FAM210B: variants seen among roughly 807,000 people sequenced by gnomAD.
FAM210B encodes the protein mitochondrial inner membrane scaffold 2, also known as family with sequence similarity 210 member B.
Under a neutral mutation model 14.9 loss-of-function variants are expected in FAM210B, and 11 were observed. The observed-to-expected ratio is 0.74, with a 90% CI of 0.46 to 1.22. The LOEUF (loss-of-function observed/expected upper bound fraction) is 1.22, where lower values mean the gene tolerates loss of function less well. Ranked by LOEUF, FAM210B falls within the 50% of genes most tolerant of loss-of-function variation. FAM210B has a pLI of 0.00. For missense variants in FAM210B, 229 were observed against 250.1 expected, an observed-to-expected ratio of 0.92 and a Z score of 0.57; for synonymous variants, 113 against 110.2, an observed-to-expected ratio of 1.03 and a Z score of -0.16.
At position 56,362,199 on chromosome 20, in the gene FAM210B, G is replaced by T. The variant is rs1280159272; in HGVS notation, c.187-2888G>T. 6.6e-6 allele frequency among the ~76,000 whole-genome samples: 1 copy of T among 152,092 alleles called. No homozygotes were observed. The highest frequency in any genetic ancestry group is 6.5e-5 in the Admixed American group (1 of 15,268). On this transcript the variant is annotated intron_variant, in intron 1 of 2. Coordinates refer to ENST00000371384, the MANE Select transcript of FAM210B (RefSeq NM_080821.3). This position sits in a 1 kb window ranked among gnomAD's most constrained non-coding sequence, Gnocchi z 4.8. ...ATGATTTCTCAAGTGGAAGAAAACAGGTGTCACTCCAAACACTGCGATCGG... is the reference window on the plus strand; with the variant it reads ...ATGATTTCTCAAGTGGAAGAAAACATGTGTCACTCCAAACACTGCGATCGG...
chr20:56,361,054 G>A, intron 1 of FAM210B, among the ~76,000 whole-genome samples: 1 of 152,120 alleles, frequency 6.6e-6, no homozygotes, highest in Non-Finnish European at 1.5e-5. Flanking sequence ...AGCCACAGAA[G>A]AGACCTGCCT....
In FAM210B at chr20:56,365,825, T is replaced by C. The variant is rs370683054; in HGVS notation, c.363-246T>C. ...GCCGATTGTATGTTTTTTTGTTGTG[T>C]TGAGACAAGAGTCTTGCTATGCTGC... On this transcript the variant is annotated intron_variant, in intron 2 of 2. Coordinates refer to ENST00000371384, the MANE Select transcript of FAM210B (RefSeq NM_080821.3). Among the ~76,000 whole-genome samples the C allele has an allele frequency of 9.2e-5, 14 of 151,840 alleles. No individual in the cohort carries two copies. The East Asian group carries it at 1.2e-3, about 13-fold the overall frequency.
chr20:56,365,895 C>T (rs1330043318), intron 2 of FAM210B, among the ~76,000 whole-genome samples, 176 bp from the exon 3 acceptor site: 1 of 147,510 alleles, frequency 6.8e-6, no homozygotes, highest in Non-Finnish European at 1.5e-5. Flanking sequence ...CCTCCCACCT[C>T]GGCCTCCCAA....
At position 56,363,624 on chromosome 20, in the gene FAM210B, T is replaced by C. The variant is rs1983575558; in HGVS notation, c.187-1463T>C. Among the ~76,000 whole-genome samples the C allele has an allele frequency of 6.6e-6, 1 of 152,270 alleles. No homozygotes were observed. Among genetic ancestry groups the C allele is most frequent in the African/African-American group, 2.4e-5 (1 of 41,548 alleles). The stretch of plus-strand genomic sequence containing the variant: ...CTCTGTTATTGAGAAGTGGTTTTTT[T>C]CCCTCCCCTAATGTGGGTGAGGTTG... On this transcript the variant is annotated intron_variant, in intron 1 of 2. Transcript: ENST00000371384. This position sits in a 1 kb window ranked among gnomAD's most constrained non-coding sequence, Gnocchi z 4.1.
At position 56,358,977 on chromosome 20, in the gene FAM210B, G is replaced by C. The variant is rs1489861595; in HGVS notation, c.-29G>C. The C allele has an allele frequency of 4.2e-6, 5 of 1,189,056 alleles. No homozygotes were observed. The highest frequency in any genetic ancestry group is 8.0e-5 in the East Asian group (2 of 25,028). 73.7% of individuals were successfully genotyped at this position (1,189,056 alleles called of 1,614,324 possible). ...GCCTCCGCCCGCCTCCCGGGTCAGC[G>C]GCGCGGGTGCTGCGCCTAGCTGCGC... On this transcript the variant is annotated 5_prime_UTR_variant, in exon 1 of 3. Coordinates refer to ENST00000371384, the MANE Select transcript of FAM210B (RefSeq NM_080821.3).
In FAM210B at chr20:56,359,310, G is replaced by C; in HGVS notation, c.186+119G>C. The C allele has an allele frequency of 9.6e-7, 1 of 1,036,848 alleles. No individual in the cohort carries two copies. The highest frequency in any genetic ancestry group is 1.2e-6 in the Non-Finnish European group (1 of 820,112). 64.2% of individuals were successfully genotyped at this position (1,036,848 alleles called of 1,614,324 possible). ...CGCCTTTGCACTTGTAGCTGCCCGG[G>C]ACCGAGCTCTTCCAGGGTCCCCGAA... On this transcript the variant is annotated intron_variant, in intron 1 of 2. Transcript: ENST00000371384. The surrounding 1 kb of genome is among the most constrained non-coding windows in gnomAD (Gnocchi z 4.3).
intron 2 of FAM210B, among the ~76,000 whole-genome samples, chr20:56,365,728 T>C (rs1012846397): frequency 6.6e-6 from 1 of 152,120 alleles, no homozygotes; most frequent in African/African-American, 2.4e-5. Context: ...ATGGTCTCAA[T>C]CTCTTGACCT....
chr20:56,365,208 T>G lies in FAM210B; in HGVS notation c.308T>G (p.Leu103Trp). 1 of 1,614,170 alleles carries G rather than the reference T, an allele frequency of 6.2e-7. No homozygotes were observed. The highest frequency in any genetic ancestry group is 2.2e-5 in the East Asian group (1 of 44,884). Residue 103 changes from leucine (L) to tryptophan (W), a missense_variant, in exon 2 of 3, where the codon TTG becomes TGG. Physicochemically the swap from Leu to Trp is moderately conservative, Grantham distance 61. Coordinates refer to ENST00000371384, the MANE Select transcript of FAM210B (RefSeq NM_080821.3). Reference sequence around the variant, plus strand: ...GAGTATGGCACTGTTGGCGTGTCATTGCACATTGGAATCTCATTAATTTCC... The same window carrying G: ...GAGTATGGCACTGTTGGCGTGTCATGGCACATTGGAATCTCATTAATTTCC... ...FQEYGTVGVS[L>W]HIGISLISLG...
chr20:56,360,448 T>A (rs894396206), intron 1 of FAM210B: 3 of 343,494 alleles, frequency 8.7e-6, no homozygotes, highest in African/African-American at 6.4e-5. Flanking sequence ...GCCCTGGCAC[T>A]GGAGCGGTGT....
chr20:56,366,111 A>C lies in FAM210B; in HGVS notation c.403A>C (p.Lys135Gln). The change falls in exon 3 of 3, where the codon AAA becomes CAA. Residue 135 changes from lysine (K) to glutamine (Q), a missense_variant. By Grantham distance (53) the Lys-to-Gln change is moderately conservative. This residue lies in a region of FAM210B where 32 missense variants were observed against 62.2 expected (regional missense o/e 0.51). Coordinates refer to ENST00000371384, the MANE Select transcript of FAM210B (RefSeq NM_080821.3). ...TGCAATCCTGCTGAAACTCGGATTT[A>C]AAGAGTCCCTGGTACAGTCAAAAAT... ...MPAILLKLGF[K>Q]ESLVQSKMAA... is the part of the protein sequence containing the mutation. 6.2e-7 allele frequency: 1 copy of C among 1,614,148 alleles called. No individual in the cohort carries two copies. Among genetic ancestry groups the C allele is most frequent in the Non-Finnish European group, 8.5e-7 (1 of 1,180,034 alleles).
Position 56,362,662 on chromosome 20 carries a change from G to A in FAM210B, c.187-2425G>A, listed in dbSNP as rs917280828. Among the ~76,000 whole-genome samples, 1 of 152,166 alleles carries A rather than the reference G, an allele frequency of 6.6e-6. No homozygotes were observed. The highest frequency in any genetic ancestry group is 1.5e-5 in the Non-Finnish European group (1 of 68,022). On this transcript the variant is annotated intron_variant, in intron 1 of 2. Coordinates refer to ENST00000371384, the MANE Select transcript of FAM210B (RefSeq NM_080821.3). This position sits in a 1 kb window ranked among gnomAD's most constrained non-coding sequence, Gnocchi z 4.8. ...TTCTCTAGAATGTCAGAAGCCAACC[G>A]TGGTGCCAGCTAACCCGAGATTGTC... is the stretch of plus-strand genomic sequence containing the variant.
chr20:56,365,207 T>G lies in FAM210B; in HGVS notation c.307T>G (p.Leu103Val), dbSNP rs763702536. Reference protein sequence around the residue: ...FQEYGTVGVSLHIGISLISLG... With the variant: ...FQEYGTVGVSVHIGISLISLG... ...AGAGTATGGCACTGTTGGCGTGTCATTGCACATTGGAATCTCATTAATTTC... is the reference window on the plus strand; with the variant it reads ...AGAGTATGGCACTGTTGGCGTGTCAGTGCACATTGGAATCTCATTAATTTC... Residue 103 changes from leucine to valine, a missense_variant, in exon 2 of 3, where the codon TTG (leucine) becomes GTG (valine). Coordinates refer to ENST00000371384, the MANE Select transcript of FAM210B (RefSeq NM_080821.3). 6.2e-7 allele frequency: 1 copy of G among 1,614,166 alleles called. No homozygotes were observed. The highest frequency in any genetic ancestry group is 1.1e-5 in the South Asian group (1 of 91,066).
Position 56,363,854 on chromosome 20 carries a change from G to C in FAM210B, c.187-1233G>C, listed in dbSNP as rs893185346. Among the ~76,000 whole-genome samples the C allele has an allele frequency of 6.6e-6, 1 of 152,152 alleles. No homozygotes were observed. The highest frequency in any genetic ancestry group is 2.1e-4 in the South Asian group (1 of 4,822). ...CGCTTTTGCTGCATTAATTTTGTGC[G>C]CACCGTCCTTTTTTGATGGCATATA... is the stretch of plus-strand genomic sequence containing the variant. On this transcript the variant is annotated intron_variant, in intron 1 of 2. Transcript: ENST00000371384. This position sits in a 1 kb window ranked among gnomAD's most constrained non-coding sequence, Gnocchi z 4.1.
rs902703316 is a variant in FAM210B at position 56,359,913 on chromosome 20, C to T, written c.186+722C>T. 1.8e-4 allele frequency among the ~76,000 whole-genome samples: 27 copies of T among 152,214 alleles called. No individual in the cohort carries two copies. Among genetic ancestry groups the T allele is most frequent in the Non-Finnish European group, 3.1e-4 (21 of 68,038 alleles). ...TTTGTTTGCCTGGGTGCAGACAGGG[C>T]CCCTCCATTCATCGCCCGGTGACCT... On this transcript the variant is annotated intron_variant, in intron 1 of 2. Transcript: ENST00000371384. The surrounding 1 kb of genome is among the most constrained non-coding windows in gnomAD (Gnocchi z 4.3).
intron 1 of FAM210B, among the ~76,000 whole-genome samples, chr20:56,364,704 T>C (rs1021254219): frequency 3.3e-5 from 5 of 152,032 alleles, no homozygotes; most frequent in African/African-American, 9.7e-5. Flanking sequence ...CCTGTAATCC[T>C]AGCACTTTGG....
Position 56,362,356 on chromosome 20 carries a change from C to T in FAM210B, c.187-2731C>T, listed in dbSNP as rs1212039291. On this transcript the variant is annotated intron_variant, in intron 1 of 2. Coordinates refer to ENST00000371384, the MANE Select transcript of FAM210B (RefSeq NM_080821.3). The surrounding 1 kb of genome is among the most constrained non-coding windows in gnomAD (Gnocchi z 4.8). ...ACACACTGTCTCACACACACTCTCA[C>T]ACACATGTGCATGCATGCTGAGTAC... Among the ~76,000 whole-genome samples, 1 of 152,204 alleles carries T rather than the reference C, an allele frequency of 6.6e-6. No individual in the cohort carries two copies. The highest frequency in any genetic ancestry group is 6.5e-5 in the Admixed American group (1 of 15,280).
In FAM210B at chr20:56,366,095, G is replaced by C; in HGVS notation, c.387G>C (p.Leu129=). 1 of 1,614,068 alleles carries C rather than the reference G, an allele frequency of 6.2e-7. No homozygotes were observed. The highest frequency in any genetic ancestry group is 8.5e-7 in the Non-Finnish European group (1 of 1,179,976). ...VSSGVDMPAI[L]LKLGFKESLV... The stretch of plus-strand genomic sequence containing the variant: ...GTGGTGTGGACATGCCTGCAATCCT[G>C]CTGAAACTCGGATTTAAAGAGTCCC... Residue 129 remains leucine, a synonymous_variant, in exon 3 of 3, where the codon CTG becomes CTC. Coordinates refer to ENST00000371384, the MANE Select transcript of FAM210B (RefSeq NM_080821.3).
chr20:56,366,241 A>G lies in FAM210B; in HGVS notation c.533A>G (p.Tyr178Cys), dbSNP rs755004841. ...GTCTCTGTGCCCTTGATTGTCAGATATTTTCGAAAAGTGGGATTTTTTAAA... is the reference window on the plus strand; with the variant it reads ...GTCTCTGTGCCCTTGATTGTCAGATGTTTTCGAAAAGTGGGATTTTTTAAA... Reference protein sequence around the residue: ...TLVSVPLIVRYFRKVGFFKPP... With the variant: ...TLVSVPLIVRCFRKVGFFKPP... Residue 178 changes from tyrosine (Y) to cysteine (C), a missense_variant, in exon 3 of 3, where the codon TAT (tyrosine) becomes TGT (cysteine). Coordinates refer to ENST00000371384, the MANE Select transcript of FAM210B (RefSeq NM_080821.3). 3.1e-6 allele frequency: 5 copies of G among 1,614,104 alleles called. No individual in the cohort carries two copies. The South Asian group carries it at 5.5e-5, about 18-fold the overall frequency.
At chr20:56,360,063 C>T (rs570313766) in intron 1 of FAM210B, 2 of 390,072 alleles carry the variant, frequency 5.1e-6, no homozygotes, top group South Asian at 3.7e-5. Flanking sequence ...GGAGTGCCGC[C>T]GGCCCAGCGA....
Sources: allele counts gnomAD v4.1 joint callset (sites outside exome capture counted in the v4.1 genomes callset), GRCh38; gene constraint gnomAD v4.1.1; regional missense constraint gnomAD v4.1.1; non-coding constraint Gnocchi (gnomAD v3.1); transcripts MANE v1.5; gene names NCBI Gene and HGNC (gene_info 2026-07-23, HGNC 2026-07-21).